Variants in FAM241B observed in about 807,000 individuals in gnomAD.
FAM241B encodes family with sequence similarity 241 member B, also known as protein FAM241B.
Under a neutral mutation model 9.3 loss-of-function variants are expected in FAM241B, and 7 were observed. The ratio of observed to expected loss-of-function variants is 0.75; its 90% CI spans 0.43 to 1.41. FAM241B has a LOEUF of 1.41. FAM241B is among the 40% of genes most tolerant of loss of function. The pLI is 0.01. For synonymous variants in FAM241B, 60 were observed against 64.1 expected (o/e 0.94, Z 0.31); for missense variants, 136 against 159.6 (o/e 0.85, Z 0.80).
In FAM241B at chr10:69,631,696, C is replaced by T. The variant is rs1839823092; in HGVS notation, c.-35-13C>T. On this transcript the variant is annotated splice_polypyrimidine_tract_variant and intron_variant, in intron 2 of 3. Transcript: ENST00000373279. ...GCTTCCATTAGCCTGCCCACCCTGA[C>T]CACACAATGCAGGTGCAGCCCATCA... 3 of 1,596,430 alleles carry T rather than the reference C, an allele frequency of 1.9e-6. No individual in the cohort carries two copies. The highest frequency in any genetic ancestry group is 1.3e-5 in the African/African-American group (1 of 74,940).
At position 69,630,298 on chromosome 10, in the gene FAM241B, G is replaced by A. The variant is rs1202613178; in HGVS notation, c.-119G>A. ...CCGGGAGTGGACGCCGCCGAGGCCC[G>A]GAGTCGCGCCTGCAGGTGAGTCGCC... On this transcript the variant is annotated 5_prime_UTR_variant, in exon 1 of 4. Transcript: ENST00000373279. 9.2e-5 allele frequency: 14 copies of A among 152,762 alleles called. No individual in the cohort carries two copies. Among genetic ancestry groups the A allele is most frequent in the Non-Finnish European group, 1.5e-5 (1 of 68,442 alleles). The allele number at this position is 152,762 out of a possible 1,614,324, so 9.5% of individuals were successfully genotyped here.
chr10:69,631,794 A>C lies in FAM241B; in HGVS notation c.51A>C (p.Arg17=). 2 of 1,613,202 alleles carry C rather than the reference A, an allele frequency of 1.2e-6. No homozygotes were observed. The highest frequency in any genetic ancestry group is 1.7e-6 in the Non-Finnish European group (2 of 1,179,840). The part of the protein sequence containing the change: ...NGEIVQDDDP[R]VRTTTQPPRG... Reference sequence around the variant, plus strand: ...AAATCGTGCAGGATGACGACCCCCGAGTGAGGACCACTACCCAGCCACCAA... The same window carrying C: ...AAATCGTGCAGGATGACGACCCCCGCGTGAGGACCACTACCCAGCCACCAA... The change falls in exon 3 of 4, where the codon CGA becomes CGC. Residue 17 remains arginine, a synonymous_variant. Transcript: ENST00000373279.
rs773249845 is a variant in FAM241B, at chr10:69,631,786, G to A, written c.43G>A (p.Asp15Asn). 1.4e-4 allele frequency: 226 copies of A among 1,613,116 alleles called. 1 individual carries two copies. Among genetic ancestry groups the A allele is most frequent in the Non-Finnish European group, 1.8e-4 (218 of 1,179,842 alleles). ...LANGEIVQDD[D>N]PRVRTTTQPP... ...CAATGGGGAAATCGTGCAGGATGAC[G>A]ACCCCCGAGTGAGGACCACTACCCA... The change falls in exon 3 of 4, where the codon GAC becomes AAC. Residue 15 changes from aspartate to asparagine, a missense_variant. Physicochemically the swap from Asp to Asn is conservative, Grantham distance 23 (BLOSUM62 1). Transcript: ENST00000373279.
chr10:69,631,940 C>A, intron 3 of FAM241B, 101 bp downstream of exon 3: 1 of 1,282,722 alleles, frequency 7.8e-7, no homozygotes, highest in South Asian at 1.4e-5. Flanking sequence ...CCTTTTCTAG[C>A]CTGAAGCCCT....
rs1303130859 is a variant in FAM241B at position 69,633,122 on chromosome 10, A to G, written c.*63A>G. ...ACTTGCTGGGCCTTGGTGTGAGAGC[A>G]GGCATATTTGGAGGGGATCTGGTGG... is the stretch of plus-strand genomic sequence containing the variant. On this transcript the variant is annotated 3_prime_UTR_variant, in exon 4 of 4. Transcript: ENST00000373279. The G allele has an allele frequency of 1.9e-6, 3 of 1,589,084 alleles. No individual in the cohort carries two copies. The African/African-American group carries it at 4.0e-5, about 21-fold the overall frequency.
At position 69,633,270 on chromosome 10, in the gene FAM241B, A is replaced by G; in HGVS notation, c.*211A>G. The G allele has an allele frequency of 1.2e-5, 8 of 663,594 alleles. No individual in the cohort carries two copies. Among genetic ancestry groups the G allele is most frequent in the Non-Finnish European group, 2.0e-5 (8 of 396,318 alleles). 41.1% of individuals were successfully genotyped at this position (663,594 alleles called of 1,614,324 possible). ...GTGTGGGTGGGTCCGTTGGTTCCCA[A>G]GATACTTTTAGGTGGTATGGGGCCT... On this transcript the variant is annotated 3_prime_UTR_variant, in exon 4 of 4. Transcript: ENST00000373279.
In FAM241B at chr10:69,633,278, T is replaced by C. The variant is rs900631432; in HGVS notation, c.*219T>C. Reference sequence around the variant, plus strand: ...GGGTCCGTTGGTTCCCAAGATACTTTTAGGTGGTATGGGGCCTGCATTAAG... The same window carrying C: ...GGGTCCGTTGGTTCCCAAGATACTTCTAGGTGGTATGGGGCCTGCATTAAG... On this transcript the variant is annotated 3_prime_UTR_variant, in exon 4 of 4. Coordinates refer to ENST00000373279, the MANE Select transcript of FAM241B (RefSeq NM_145306.3). 2 of 639,846 alleles carry C rather than the reference T, an allele frequency of 3.1e-6. No individual in the cohort carries two copies. The highest frequency in any genetic ancestry group is 2.0e-5 in the South Asian group (1 of 50,668). 39.6% of individuals were successfully genotyped at this position (639,846 alleles called of 1,614,324 possible). A position where few individuals can be genotyped will look rare whatever the true frequency, so the allele number is the denominator to read the frequency against.
Position 69,632,798 on chromosome 10 carries a change from C to T in FAM241B, c.105C>T (p.Phe35=). The change falls in exon 4 of 4, where the codon TTC becomes TTT. Residue 35 remains phenylalanine (F), a synonymous_variant. Coordinates refer to ENST00000373279, the MANE Select transcript of FAM241B (RefSeq NM_145306.3). The part of the protein sequence containing the change: ...PRGSIPRQSF[F]NRGHGAPPGG... ...CTGTCTTCACATTCCAGAGCTTCTT[C>T]AACAGGGGCCATGGTGCTCCCCCAG... The T allele has an allele frequency of 6.2e-7, 1 of 1,613,186 alleles. No homozygotes were observed. Among genetic ancestry groups the T allele is most frequent in the Non-Finnish European group, 8.5e-7 (1 of 1,179,680 alleles).
In FAM241B at chr10:69,633,392, T is replaced by G; in HGVS notation, c.*333T>G. ...AAGATCTCAGCTGGATGCCAACATG[T>G]TCCGATGCCTGTGGAAGACATGCCG... On this transcript the variant is annotated 3_prime_UTR_variant, in exon 4 of 4. Transcript: ENST00000373279. 2.8e-6 allele frequency: 1 copy of G among 352,254 alleles called. No individual in the cohort carries two copies. Among genetic ancestry groups the G allele is most frequent in the Non-Finnish European group, 5.2e-6 (1 of 191,058 alleles). 21.8% of individuals were successfully genotyped at this position (352,254 alleles called of 1,614,324 possible).
At chr10:69,631,665 C>T in intron 2 of FAM241B, 44 bp from the exon 3 acceptor site, 1 of 1,570,044 alleles carries the variant, frequency 6.4e-7, no homozygotes, top group Non-Finnish European at 8.6e-7. Context: ...ACTTCTGTGC[C>T]ACTTGGCTTC....
At chr10:69,630,730 G>A in intron 1 of FAM241B, 1 of 1,222,302 alleles carries the variant, frequency 8.2e-7, no homozygotes, top group Non-Finnish European at 1.1e-6. Context: ...AGGCGTGGAG[G>A]GGCCCCGCAG....
chr10:69,633,103 T>G lies in FAM241B; in HGVS notation c.*44T>G. ...GGTGGGTTTGTTGAGAGGGACTTGCTGGGCCTTGGTGTGAGAGCAGGCATA... is the reference window on the plus strand; with the variant it reads ...GGTGGGTTTGTTGAGAGGGACTTGCGGGGCCTTGGTGTGAGAGCAGGCATA... On this transcript the variant is annotated 3_prime_UTR_variant, in exon 4 of 4. Coordinates refer to ENST00000373279, the MANE Select transcript of FAM241B (RefSeq NM_145306.3). The G allele has an allele frequency of 3.7e-6, 6 of 1,605,702 alleles. No homozygotes were observed. Among genetic ancestry groups the G allele is most frequent in the Non-Finnish European group, 5.1e-6 (6 of 1,175,632 alleles).
rs1172458869 is a variant in FAM241B, at chr10:69,632,843, G to A, written c.150G>A (p.Gln50=). 2 of 1,614,140 alleles carry A rather than the reference G, an allele frequency of 1.2e-6. No homozygotes were observed. Among genetic ancestry groups the A allele is most frequent in the Non-Finnish European group, 1.7e-6 (2 of 1,179,984 alleles). ...GAPPGGPGPR[Q]QQAGARLGAA... ...CCCCAGGGGGTCCTGGCCCCCGCCA[G>A]CAGCAGGCAGGTGCCAGGCTGGGTG... Residue 50 remains glutamine, a synonymous_variant, in exon 4 of 4, where the codon CAG becomes CAA. Transcript: ENST00000373279.
rs373709084 is a variant in FAM241B at position 69,631,739 on chromosome 10, G to A, written c.-5G>A. The A allele has an allele frequency of 2.5e-6, 4 of 1,612,446 alleles. No individual in the cohort carries two copies. In the East Asian group the frequency reaches 8.9e-5, roughly 36 times the overall value. ...GCCCATCAGGGACCCACAGCGCCTG[G>A]GAGGATGGTGCGGATCTTGGCCAAT... On this transcript the variant is annotated 5_prime_UTR_variant, in exon 3 of 4. Transcript: ENST00000373279.
chr10:69,631,963 C>CCGGGTAAGACT, intron 3 of FAM241B, 124 bp downstream of exon 3: 1 of 1,352,460 alleles, frequency 7.4e-7, no homozygotes, highest in Non-Finnish European at 1.0e-6. Context: ...TTGCAGAGAG[C>CCGGGTAAGACT]TGGGGAAGAT....
chr10:69,633,147 G>C lies in FAM241B; in HGVS notation c.*88G>C. 1 of 1,537,398 alleles carries C rather than the reference G, an allele frequency of 6.5e-7. No homozygotes were observed. Among genetic ancestry groups the C allele is most frequent in the Non-Finnish European group, 8.8e-7 (1 of 1,132,246 alleles). On this transcript the variant is annotated 3_prime_UTR_variant, in exon 4 of 4. Transcript: ENST00000373279. ...AGGCATATTTGGAGGGGATCTGGTG[G>C]TGCCTTGAAGGTATGATCAGAGAGG...
intron 3 of FAM241B, 120 bp downstream of exon 3, chr10:69,631,959 A>C (rs1372647251): frequency 3.1e-6 from 4 of 1,289,100 alleles, no homozygotes; most frequent in Non-Finnish European, 4.2e-6. Context: ...CTCTTTGCAG[A>C]GAGCTGGGGA....
chr10:69,631,579 A>G (rs753317167), intron 2 of FAM241B, 32 bp downstream of exon 2: 20 of 1,547,420 alleles, frequency 1.3e-5, no homozygotes, highest in Middle Eastern at 3.3e-4. Context: ...TTTTGAGGTC[A>G]GGGGGAAAAT....
intron 1 of FAM241B, chr10:69,630,808 GCT>G: frequency 1.7e-6 from 1 of 605,136 alleles, no homozygotes. Context: ...TTTTGGGAAG[GCT>G]GGGCCCTGCG....
Sources: gnomAD v4.1 joint callset for allele counts on GRCh38, gnomAD v4.1.1 for gene constraint, MANE v1.5 for transcripts, NCBI Gene and HGNC (gene_info 2026-07-23, HGNC 2026-07-21) for gene names.